UNC13C: variants seen among roughly 807,000 people sequenced by gnomAD.
The protein encoded by UNC13C is protein unc-13 homolog C.
Under a neutral mutation model 245.4 loss-of-function variants are expected in UNC13C, and 174 were observed. The ratio of observed to expected loss-of-function variants is 0.71; its 90% CI spans 0.63 to 0.80. The LOEUF (loss-of-function observed/expected upper bound fraction) is 0.80. UNC13C is among the 30% of genes least tolerant of loss of function. The probability of loss-of-function intolerance (pLI) is 0.00; values close to 1 mark genes in which losing one functional copy is unlikely to be tolerated. For synonymous variants in UNC13C, 992 were observed against 895.1 expected (o/e 1.11, Z -1.93); for missense variants, 2,829 against 2,602.9 (o/e 1.09, Z -1.89).
chr15:54,321,964 T>C lies in UNC13C; in HGVS notation c.4294T>C (p.Tyr1432His). 1.3e-6 allele frequency: 2 copies of C among 1,581,656 alleles called. No homozygotes were observed. The highest frequency in any genetic ancestry group is 1.7e-6 in the Non-Finnish European group (2 of 1,162,510). The change falls in exon 14 of 33, where the codon TAC (tyrosine) becomes CAC (histidine). Residue 1432 changes from tyrosine to histidine, a missense_variant. Physicochemically the swap from Tyr to His is moderately conservative, Grantham distance 83. Transcript: ENST00000260323. ...GCACTTTTCATGTCTGTCTTCTAAA[T>C]ACATGTGCCCCGGTGTCCCTGCCGT... is the stretch of plus-strand genomic sequence containing the variant. ...MTHFSCLSSKYMCPGVPAVMS... is the reference protein window; with the variant it reads ...MTHFSCLSSKHMCPGVPAVMS...
intron 18 of UNC13C, among the ~76,000 whole-genome samples, chr15:54,395,334 A>C (rs1340037663): frequency 6.6e-6 from 1 of 151,788 alleles, no homozygotes; most frequent in Admixed American, 6.6e-5. Flanking sequence ...TGCTTAATTA[A>C]TCATCTCCTT....
chr15:54,593,206 G>A (rs962176836), intron 30 of UNC13C, among the ~76,000 whole-genome samples: 2 of 152,152 alleles, frequency 1.3e-5, no homozygotes. Context: ...TCTTTTATAG[G>A]TTACCTGGTG....
intron 4 of UNC13C, among the ~76,000 whole-genome samples, chr15:54,193,511 C>T (rs2141330339): frequency 6.6e-6 from 1 of 152,230 alleles, no homozygotes; most frequent in Non-Finnish European, 1.5e-5. Flanking sequence ...ATCTTAGAAG[C>T]TTCCATCTCT....
At chr15:54,310,652 C>T (rs146317123) in intron 13 of UNC13C, among the ~76,000 whole-genome samples, 21 of 151,810 alleles carry the variant, frequency 1.4e-4, no homozygotes, top group African/African-American at 3.1e-4. Context: ...TCACAGAAGA[C>T]GGCTAGGTTT....
chr15:53,975,634 C>T (rs1203501191), upstream of UNC13C, among the ~76,000 whole-genome samples: 1 of 152,134 alleles, frequency 6.6e-6, no homozygotes, highest in Non-Finnish European at 1.5e-5. Flanking sequence ...GACCCCTTTA[C>T]TTGATTCTTT....
At chr15:53,947,086 T>C in the UNC13C span, among the ~76,000 whole-genome samples, 3 of 152,202 alleles carry the variant, frequency 2.0e-5, no homozygotes, top group Non-Finnish European at 4.4e-5. Context: ...TTTCCAAATA[T>C]AAGTATAAAA....
chr15:54,137,273 T>C (rs2031786735), intron 2 of UNC13C, among the ~76,000 whole-genome samples: 1 of 152,248 alleles, frequency 6.6e-6, no homozygotes, highest in African/African-American at 2.4e-5. Flanking sequence ...GAAGACTTTT[T>C]TGCATCTATG....
At chr15:54,129,258 T>C (rs370123793) in intron 2 of UNC13C, among the ~76,000 whole-genome samples, 1 of 152,212 alleles carries the variant, frequency 6.6e-6, no homozygotes, top group Non-Finnish European at 1.5e-5. Flanking sequence ...TGCGTACATA[T>C]GTACATACAT....
At chr15:54,396,221 A>AC (rs796167144) in intron 18 of UNC13C, among the ~76,000 whole-genome samples, 88 of 151,830 alleles carry the variant, frequency 5.8e-4, no homozygotes, top group African/African-American at 1.5e-3. Context: ...GATATCCATT[A>AC]CCCCAATAAT....
the UNC13C span, among the ~76,000 whole-genome samples, chr15:53,857,338 C>A: frequency 6.6e-6 from 1 of 151,806 alleles, no homozygotes; most frequent in Admixed American, 6.6e-5. Flanking sequence ...TGTTAGACAC[C>A]AAAATAAATG....
the UNC13C span, among the ~76,000 whole-genome samples, chr15:53,921,501 CTA>C: frequency 2.0e-5 from 3 of 152,116 alleles, no homozygotes; most frequent in Admixed American, 6.5e-5. Flanking sequence ...TCTGTGGAGA[CTA>C]TATATTGCAT....
intron 4 of UNC13C, among the ~76,000 whole-genome samples, chr15:54,227,700 T>C (rs2035431128): frequency 6.6e-6 from 1 of 152,200 alleles, no homozygotes; most frequent in Non-Finnish European, 1.5e-5. Flanking sequence ...ACAAGGGGGC[T>C]TCCCGGGCCC....
chr15:53,908,221 C>T, the UNC13C span, among the ~76,000 whole-genome samples: 549 of 146,430 alleles, frequency 3.7e-3, 72 homozygotes, highest in Non-Finnish European at 1.5e-3. Context: ...TTAATGGGTG[C>T]TCCTTTTTTT....
chr15:53,896,639 C>T, the UNC13C span, among the ~76,000 whole-genome samples: 3 of 151,834 alleles, frequency 2.0e-5, no homozygotes, highest in Non-Finnish European at 4.4e-5. Context: ...TAAAGGGAAC[C>T]AGGTCATGTT....
At chr15:54,182,289 GATC>G in intron 4 of UNC13C, among the ~76,000 whole-genome samples, 1 of 151,992 alleles carries the variant, frequency 6.6e-6, no homozygotes, top group South Asian at 2.1e-4. Context: ...CTATTGAGAC[GATC>G]ATATGATTTT....
At chr15:54,464,482 C>T (rs907816626) in intron 19 of UNC13C, among the ~76,000 whole-genome samples, 2 of 151,936 alleles carry the variant, frequency 1.3e-5, no homozygotes, top group African/African-American at 4.8e-5. Flanking sequence ...GTTGACTGTA[C>T]ATAAAACATC....
the UNC13C span, among the ~76,000 whole-genome samples, chr15:53,839,778 GCT>G: frequency 6.6e-6 from 1 of 151,544 alleles, no homozygotes. Flanking sequence ...GATCATTGTT[GCT>G]CTGTTTGGAA....
In UNC13C at chr15:54,086,188, T is replaced by C. The variant is rs75001981; in HGVS notation, c.2984-56830T>C. 4.5e-4 allele frequency among the ~76,000 whole-genome samples: 69 copies of C among 152,318 alleles called. 1 individual carries two copies. The East Asian group carries it at 0.011, about 24-fold the overall frequency. Reference sequence around the variant, plus strand: ...CATTTGGTCTATCTAGCTGTAACAGTGTGTCTGTTAACCAGTCTCTCCTCC... The same window carrying C: ...CATTTGGTCTATCTAGCTGTAACAGCGTGTCTGTTAACCAGTCTCTCCTCC... On this transcript the variant is annotated intron_variant, in intron 2 of 32. Transcript: ENST00000260323.
At chr15:54,097,170 A>G (rs954937107) in intron 2 of UNC13C, among the ~76,000 whole-genome samples, 17 of 152,170 alleles carry the variant, frequency 1.1e-4, no homozygotes, top group African/African-American at 4.1e-4. Flanking sequence ...TGTCCTTCAA[A>G]TATTTATGGA....
Sources: allele counts gnomAD v4.1 joint callset (sites outside exome capture counted in the v4.1 genomes callset), GRCh38; gene constraint gnomAD v4.1.1; transcripts MANE v1.5; gene names NCBI Gene and HGNC (gene_info 2026-07-23, HGNC 2026-07-21).